RELN: variants seen among roughly 807,000 people sequenced by gnomAD.
The protein encoded by RELN is reelin.
RELN carries 108 observed loss-of-function variants against 427.6 expected under a neutral mutation model. The ratio of observed to expected loss-of-function variants is 0.25; its 90% CI spans 0.22 to 0.30. The LOEUF (loss-of-function observed/expected upper bound fraction) is 0.30, where lower values mean the gene tolerates loss of function less well. Among genes scored for constraint, RELN ranks in the 10% least tolerant of loss-of-function variants. The pLI, the probability that RELN is intolerant of heterozygous loss-of-function variation, is 1.00. For missense variants in RELN, 3,715 were observed against 4,302.8 expected, an observed-to-expected ratio of 0.86 and a Z score of 3.82; for synonymous variants, 1,524 against 1,513.4, an observed-to-expected ratio of 1.01 and a Z score of -0.16.
Position 103,626,415 on chromosome 7 carries a change from ATCTCGGC to A in RELN, c.2702+3518_2702+3524del. On this transcript the variant is annotated intron_variant, in intron 20 of 64. Coordinates refer to ENST00000428762, the MANE Select transcript of RELN (RefSeq NM_005045.4). This position sits in a 1 kb window ranked among gnomAD's most constrained non-coding sequence, Gnocchi z 4.4. ...ACCCAGGCTGGAGTGCATTGGCATG[ATCTCGGC>A]TCACTGCAACTTCTGCCTCCTGGAT... is the stretch of plus-strand genomic sequence containing the variant. 6.6e-6 allele frequency among the ~76,000 whole-genome samples: 1 copy of A among 152,184 alleles called. No homozygotes were observed. Among genetic ancestry groups the A allele is most frequent in the South Asian group, 2.1e-4 (1 of 4,814 alleles).
intron 1 of RELN, among the ~76,000 whole-genome samples, chr7:103,929,268 T>C (rs1795809914): frequency 1.3e-5 from 2 of 152,226 alleles, no homozygotes; most frequent in African/African-American, 2.4e-5. Flanking sequence ...CCGAGCTCAC[T>C]GCCAGTGTCT....
intron 16 of RELN, among the ~76,000 whole-genome samples, chr7:103,649,643 CA>C (rs138214007): frequency 0.054 from 8,271 of 152,026 alleles, 591 homozygotes; most frequent in African/African-American, 0.16. Context: ...AATGTACAGA[CA>C]TGCAACCCAA....
At chr7:103,735,045 T>C (rs1790456877) in intron 6 of RELN, among the ~76,000 whole-genome samples, 1 of 152,168 alleles carries the variant, frequency 6.6e-6, no homozygotes, top group Admixed American at 6.5e-5. Flanking sequence ...CAATCTATTT[T>C]ATATGTACAC....
At chr7:103,886,484 A>G (rs1463112473) in intron 2 of RELN, among the ~76,000 whole-genome samples, 1 of 152,238 alleles carries the variant, frequency 6.6e-6, no homozygotes, top group Non-Finnish European at 1.5e-5. Context: ...AGCCTTTTTC[A>G]ATCAAGGGAT....
Position 103,749,529 on chromosome 7 carries a change from G to A in RELN, c.578-25C>T, listed in dbSNP as rs373035337. ...GCTAAAAGAAAAAGGAAGTATTTAG[G>A]AAAGAAATATACTACAACAGTACAT... On this transcript the variant is annotated intron_variant, in intron 5 of 64. Transcript: ENST00000428762. The A allele has an allele frequency of 3.3e-6, 5 of 1,520,434 alleles. No homozygotes were observed. The South Asian group carries it at 4.5e-5, about 14-fold the overall frequency. The allele number at this position is 1,520,434 out of a possible 1,614,324, so 94.2% of individuals were successfully genotyped here.
intron 2 of RELN, among the ~76,000 whole-genome samples, chr7:103,875,805 C>T (rs930531720): frequency 6.6e-6 from 1 of 151,964 alleles, no homozygotes; most frequent in African/African-American, 2.4e-5. Flanking sequence ...TTGGGACCTG[C>T]TAAATGAAAT....
At chr7:103,888,062 C>A (rs149930775) in intron 2 of RELN, among the ~76,000 whole-genome samples, 71 of 152,072 alleles carry the variant, frequency 4.7e-4, no homozygotes, top group African/African-American at 1.7e-3. Flanking sequence ...ACTACCTTAC[C>A]CTGCCCTGTA....
rs141975263 is a variant in RELN, at chr7:103,849,494, A to T, written c.338-15822T>A. 4.6e-3 allele frequency among the ~76,000 whole-genome samples: 696 copies of T among 152,270 alleles called. 4 individuals are homozygous for T. Among genetic ancestry groups the T allele is most frequent in the African/African-American group, 0.016 (675 of 41,548 alleles). On this transcript the variant is annotated intron_variant, in intron 2 of 64. Transcript: ENST00000428762. ...CAAATATGATTTTCTCATTCTACTG[A>T]TACTCATATTTATAGATGTAGGTCT...
At chr7:103,843,074 T>C (rs1793592291) in intron 2 of RELN, among the ~76,000 whole-genome samples, 1 of 152,146 alleles carries the variant, frequency 6.6e-6, no homozygotes, top group Admixed American at 6.5e-5. Flanking sequence ...TTCCTCAGTT[T>C]CCTTTCCAGG....
chr7:103,612,310 C>G (rs1212064369), intron 20 of RELN, among the ~76,000 whole-genome samples: 1 of 149,720 alleles, frequency 6.7e-6, no homozygotes, highest in South Asian at 2.1e-4. Flanking sequence ...ATTAAATAAG[C>G]CTTTTTTTTT....
At chr7:103,482,819 G>T in intron 63 of RELN, 54 bp downstream of exon 63, 1 of 1,613,600 alleles carries the variant, frequency 6.2e-7, no homozygotes, top group Non-Finnish European at 8.5e-7. Flanking sequence ...CTATATCAAA[G>T]GAATTTCAAA....
chr7:103,483,975 G>T, intron 61 of RELN, 125 bp from the exon 62 acceptor site: 1 of 941,642 alleles, frequency 1.1e-6, no homozygotes, highest in Non-Finnish European at 1.6e-6. Context: ...TGCCTACTGG[G>T]TTCAAGCGAT....
intron 27 of RELN, 22 bp from the exon 28 acceptor site, chr7:103,589,850 A>C (rs760244116): frequency 2.7e-6 from 4 of 1,495,284 alleles, no homozygotes; most frequent in Non-Finnish European, 2.8e-6. Context: ...AAGGACAAGA[A>C]TTATACAAGA....
chr7:103,729,359 C>A (rs1235798466), intron 6 of RELN, among the ~76,000 whole-genome samples: 2 of 152,070 alleles, frequency 1.3e-5, no homozygotes, highest in East Asian at 1.9e-4. Context: ...GTGAAAGGAG[C>A]GCATAAAGCC....
intron 11 of RELN, among the ~76,000 whole-genome samples, chr7:103,673,670 T>C (rs1833444887): frequency 6.6e-6 from 1 of 152,192 alleles, no homozygotes. Context: ...GTTTTTGTTT[T>C]TTCCTAATAC....
rs1554446793 is a variant in RELN at position 103,949,038 on chromosome 7, A to AAC, written c.227-31854_227-31853insGT. Among the ~76,000 whole-genome samples the AAC allele has an allele frequency of 1.9e-4, 24 of 129,312 alleles. 1 individual carries two copies. Among genetic ancestry groups the AAC allele is most frequent in the African/African-American group, 3.1e-4 (11 of 35,588 alleles). 84.8% of individuals were successfully genotyped at this position (129,312 alleles called of 152,430 possible). ...CATTGTCTCCAAAAAAAAAAAAAAAAAAAAAAAAACCCGTATACATATATA... is the reference window on the plus strand; with the variant it reads ...CATTGTCTCCAAAAAAAAAAAAAAAAACAAAAAAAAACCCGTATACATATATA... On this transcript the variant is annotated intron_variant, in intron 1 of 64. Transcript: ENST00000428762.
intron 56 of RELN, 100 bp from the exon 57 acceptor site, chr7:103,495,998 G>T (rs1014899569): frequency 7.9e-7 from 1 of 1,261,222 alleles, no homozygotes; most frequent in African/African-American, 1.5e-5. Flanking sequence ...ATTTATTGTT[G>T]AATTCCTTAA....
chr7:103,773,477 CTCTT>C (rs1237061685), intron 4 of RELN, among the ~76,000 whole-genome samples: 72 of 148,412 alleles, frequency 4.9e-4, no homozygotes, highest in Non-Finnish European at 9.4e-4. Context: ...CTCTCTCTCT[CTCTT>C]TCTTTCTTTT....
chr7:103,668,281 T>C (rs1833316552), intron 11 of RELN, among the ~76,000 whole-genome samples: 1 of 152,324 alleles, frequency 6.6e-6, no homozygotes, highest in South Asian at 2.1e-4. Context: ...TTGTATACTT[T>C]GTATAATTTA....
Sources: gnomAD v4.1 joint callset for allele counts (sites outside exome capture counted in the v4.1 genomes callset) on GRCh38, gnomAD v4.1.1 for gene constraint, Gnocchi (gnomAD v3.1) non-coding constraint, MANE v1.5 for transcripts, NCBI Gene and HGNC (gene_info 2026-07-23, HGNC 2026-07-21) for gene names.